The following TCF4 variants were observed in gnomAD, a reference collection of about 807,000 sequenced individuals.
The protein encoded by TCF4 is transcription factor 4.
A neutral mutation model predicts 82.1 loss-of-function variants in TCF4; 3 were observed. The observed-to-expected ratio is 0.04, with a 90% CI of 0.02 to 0.09. The LOEUF is 0.09. Ranked by LOEUF, TCF4 falls within the 10% of genes least tolerant of loss-of-function variation. The pLI is 1.00. For synonymous variants in TCF4, 276 were observed against 309.6 expected (o/e 0.89, Z 1.14); for missense variants, 518 against 852.7 (o/e 0.61, Z 4.89).
chr18:55,274,915 T>G (rs1369226975), intron 10 of TCF4, among the ~76,000 whole-genome samples: 1 of 152,126 alleles, frequency 6.6e-6, no homozygotes, highest in Non-Finnish European at 1.5e-5. Flanking sequence ...TAAAGAGACA[T>G]ACTATGATAG....
In TCF4 at chr18:55,464,175, G is replaced by A. The variant is rs140713316; in HGVS notation, c.146-38C>T. On this transcript the variant is annotated intron_variant, in intron 3 of 19. Coordinates refer to ENST00000354452, the MANE Select transcript of TCF4 (RefSeq NM_001083962.2). ...GAAAAGTTCTTTAGGCTTTCTTGCA[G>A]TAATTTTTTCTTTTTGTATATGCAC... 4.5e-4 allele frequency: 719 copies of A among 1,597,254 alleles called. 2 individuals are homozygous for A. The African/African-American group carries it at 6.3e-3, about 14-fold the overall frequency.
At chr18:55,420,899 G>GA (rs377458803) in intron 5 of TCF4, among the ~76,000 whole-genome samples, 5,759 of 101,332 alleles carry the variant, frequency 0.057, 252 homozygotes, top group African/African-American at 0.15. Context: ...CGCTTTAAAA[G>GA]AAAAAAAAAA....
chr18:55,260,293 C>A (rs1466008366), intron 12 of TCF4, among the ~76,000 whole-genome samples: 3 of 152,194 alleles, frequency 2.0e-5, no homozygotes, highest in Non-Finnish European at 4.4e-5. Context: ...TTCGTTCCTA[C>A]TGGCTGTGTG....
chr18:55,327,431 G>C (rs773835257), intron 8 of TCF4, among the ~76,000 whole-genome samples: 1 of 152,234 alleles, frequency 6.6e-6, no homozygotes, highest in East Asian at 1.9e-4. Flanking sequence ...GACACATTTA[G>C]TTTGGAAGAT....
chr18:55,510,662 T>C, intron 3 of TCF4: 2 of 1,491,518 alleles, frequency 1.3e-6, no homozygotes, highest in South Asian at 2.6e-5. Flanking sequence ...TACTACTTCG[T>C]AAACTTTTAA....
intron 2 of TCF4, among the ~76,000 whole-genome samples, chr18:55,609,728 C>G (rs2097705418): frequency 6.6e-6 from 1 of 152,208 alleles, no homozygotes; most frequent in African/African-American, 2.4e-5. Context: ...TGCATTTTCC[C>G]TAGCATAACA....
intron 8 of TCF4, among the ~76,000 whole-genome samples, chr18:55,292,201 A>T (rs2065252369): frequency 6.6e-6 from 1 of 152,198 alleles, no homozygotes; most frequent in African/African-American, 2.4e-5. Flanking sequence ...TACCTCAAAT[A>T]TTCTTCCGGA....
intron 5 of TCF4, among the ~76,000 whole-genome samples, chr18:55,441,520 C>A (rs939101388): frequency 6.6e-6 from 1 of 152,184 alleles, no homozygotes; most frequent in African/African-American, 2.4e-5. Context: ...GAATTTAACT[C>A]CTTTCCCACT....
At chr18:55,312,868 C>A (rs1232638172) in intron 8 of TCF4, among the ~76,000 whole-genome samples, 1 of 152,060 alleles carries the variant, frequency 6.6e-6, no homozygotes, top group Non-Finnish European at 1.5e-5. Flanking sequence ...CGGCACAGGT[C>A]TTTTTCTCAG....
chr18:55,404,118 A>G, intron 5 of TCF4: 2 of 861,656 alleles, frequency 2.3e-6, no homozygotes, highest in South Asian at 7.1e-5. Context: ...TCTGAACCCA[A>G]GTTCAGATTC....
Position 55,228,950 on chromosome 18 carries a change from G to A in TCF4, c.1776C>T (p.Gly592=). 1 of 1,614,164 alleles carries A rather than the reference G, an allele frequency of 6.2e-7. No individual in the cohort carries two copies. ...RDINEAFKEL[G]RMVQLHLKSD... is the part of the protein sequence containing the mutation. ...TCTTGAGGTGGAGCTGCACCATGCG[G>A]CCGAGCTCTTTGAAAGCCTCGTTGA... The change falls in exon 18 of 20, where the codon GGC becomes GGT. Residue 592 remains glycine, a synonymous_variant. Transcript: ENST00000354452.
exon 1 of TCF4, chr18:55,635,752 C>T (rs12962987): frequency 8.7e-5 from 135 of 1,550,582 alleles, no homozygotes; most frequent in Non-Finnish European, 1.1e-4. Context: ...AACCCAAGTG[C>T]ATGTTACAAT....
chr18:55,294,974 A>C (rs1470476381), intron 8 of TCF4, among the ~76,000 whole-genome samples: 1 of 152,202 alleles, frequency 6.6e-6, no homozygotes, highest in Non-Finnish European at 1.5e-5. Context: ...AAACATAATC[A>C]GAAGTCACAG....
At chr18:55,503,853 T>A (rs1037671863) in intron 3 of TCF4, among the ~76,000 whole-genome samples, 1 of 152,108 alleles carries the variant, frequency 6.6e-6, no homozygotes. Context: ...GGTGGACGGA[T>A]CACTTGAGGC....
chr18:55,321,505 G>T, intron 8 of TCF4: 1 of 1,022,052 alleles, frequency 9.8e-7, no homozygotes, highest in Non-Finnish European at 1.5e-6. Context: ...AGAAGAAGTA[G>T]GCAAGAAGAA....
At chr18:55,485,412 T>C (rs939094027) in intron 3 of TCF4, among the ~76,000 whole-genome samples, 10 of 152,220 alleles carry the variant, frequency 6.6e-5, no homozygotes, top group African/African-American at 2.4e-4. Flanking sequence ...TGGATAAATC[T>C]AGACTTCATC....
intron 9 of TCF4, among the ~76,000 whole-genome samples, chr18:55,276,186 T>C (rs1020337311): frequency 1.3e-5 from 2 of 152,170 alleles, no homozygotes; most frequent in African/African-American, 4.8e-5. Flanking sequence ...GAAGTATTAA[T>C]TTTAAAAAAT....
rs1221613427 is a variant in TCF4 at position 55,228,204 on chromosome 18, G to A, written c.*4+17C>T. ...TTTTGAATGATCGATCTCAGAAATG[G>A]CTGAAAACAAACTTGCCCTTTTACA... On this transcript the variant is annotated intron_variant, in intron 19 of 19. Coordinates refer to ENST00000354452, the MANE Select transcript of TCF4 (RefSeq NM_001083962.2). 1.2e-6 allele frequency: 2 copies of A among 1,613,914 alleles called. No individual in the cohort carries two copies. The highest frequency in any genetic ancestry group is 1.3e-5 in the African/African-American group (1 of 74,902).
chr18:55,457,675 T>C (rs1210585262), intron 5 of TCF4, among the ~76,000 whole-genome samples: 1 of 152,136 alleles, frequency 6.6e-6, no homozygotes, highest in East Asian at 1.9e-4. Flanking sequence ...TTGGTAGAGA[T>C]GAGGTTTCAC....
Sources: allele counts gnomAD v4.1 joint callset (sites outside exome capture counted in the v4.1 genomes callset), GRCh38; gene constraint gnomAD v4.1.1; transcripts MANE v1.5; gene names NCBI Gene and HGNC (gene_info 2026-07-23, HGNC 2026-07-21).